Variants in GC observed in about 807,000 individuals in gnomAD.
The protein encoded by GC is vitamin D-binding protein.
GC carries 43 observed loss-of-function variants against 56.7 expected under a neutral mutation model. The ratio of observed to expected loss-of-function variants is 0.76; its 90% CI spans 0.59 to 0.98. The LOEUF (loss-of-function observed/expected upper bound fraction) is 0.98, where lower values mean the gene tolerates loss of function less well. GC is among the 50% of genes least tolerant of loss of function. The pLI is 0.00. For missense variants in GC, 529 were observed against 545.9 expected, an observed-to-expected ratio of 0.97 and a Z score of 0.31; for synonymous variants, 216 against 202.7, an observed-to-expected ratio of 1.07 and a Z score of -0.56.
At chr4:71,764,201 T>G (rs1467910270) in intron 4 of GC, among the ~76,000 whole-genome samples, 1 of 152,102 alleles carries the variant, frequency 6.6e-6, no homozygotes, top group African/African-American at 2.4e-5. Context: ...AGGTTGGTCT[T>G]GAACTCCTGG....
Position 71,758,126 on chromosome 4 carries a change from C to T in GC, c.747G>A (p.Glu249=), listed in dbSNP as rs1171082271. Residue 249 remains glutamate (E), a synonymous_variant, in exon 7 of 13, where the codon GAG becomes GAA. Coordinates refer to ENST00000273951, the MANE Select transcript of GC (RefSeq NM_000583.4). ...LAQKVPTADL[E]DVLPLAEDIT... ...TATCTTCAGCTAGTGGCAAAACATC[C>T]TCCAGATCAGCAGTAGGCACTTTTT... The T allele has an allele frequency of 1.2e-6, 2 of 1,613,430 alleles. No homozygotes were observed. The highest frequency in any genetic ancestry group is 1.7e-5 in the Admixed American group (1 of 59,988).
intron 6 of GC, among the ~76,000 whole-genome samples, chr4:71,762,562 A>G (rs1407287179): frequency 6.6e-6 from 1 of 152,180 alleles, no homozygotes; most frequent in African/African-American, 2.4e-5. Flanking sequence ...GTGGGATGAT[A>G]TGGTTTGGCT....
At chr4:71,803,977 AC>A in exon 1 of GC, 1 of 1,414,712 alleles carries the variant, frequency 7.1e-7, no homozygotes, top group Non-Finnish European at 9.7e-7. Flanking sequence ...CCAGATCATC[AC>A]CAGTGGTAGA....
At chr4:71,771,442 A>G (rs1231480075) in intron 1 of GC, among the ~76,000 whole-genome samples, 2 of 151,994 alleles carry the variant, frequency 1.3e-5, no homozygotes, top group African/African-American at 2.4e-5. Flanking sequence ...TTTTGGATGG[A>G]TACCCCCCCA....
At chr4:71,794,627 T>G (rs1743052725) in intron 1 of GC, among the ~76,000 whole-genome samples, 1 of 152,216 alleles carries the variant, frequency 6.6e-6, no homozygotes, top group South Asian at 2.1e-4. Context: ...CCATTGATTT[T>G]TTGAAGGGTT....
At chr4:71,771,431 T>C (rs1349911168) in intron 1 of GC, among the ~76,000 whole-genome samples, 1 of 152,084 alleles carries the variant, frequency 6.6e-6, no homozygotes, top group Non-Finnish European at 1.5e-5. Flanking sequence ...AGCATGTACT[T>C]TTTTGGATGG....
At chr4:71,770,205 A>G (rs1172577125) in intron 1 of GC, among the ~76,000 whole-genome samples, 1 of 152,122 alleles carries the variant, frequency 6.6e-6, no homozygotes, top group Non-Finnish European at 1.5e-5. Flanking sequence ...TGGCCTGGAG[A>G]ACAAAGCAGA....
chr4:71,799,682 G>A (rs893177828), intron 1 of GC, among the ~76,000 whole-genome samples: 3 of 152,264 alleles, frequency 2.0e-5, no homozygotes, highest in East Asian at 1.9e-4. Flanking sequence ...CCAACGTCTT[G>A]AAGATTTTAC....
chr4:71,802,704 A>G (rs1743280238), intron 1 of GC, among the ~76,000 whole-genome samples: 1 of 152,320 alleles, frequency 6.6e-6, no homozygotes, highest in Admixed American at 6.5e-5. Context: ...TGTGCCATTA[A>G]GTCATTCTTT....
chr4:71,763,756 T>C (rs1180799928), intron 5 of GC, 48 bp downstream of exon 5: 1 of 1,485,826 alleles, frequency 6.7e-7, no homozygotes. Flanking sequence ...AAAGGAATGC[T>C]ATTAGAAGAA....
chr4:71,764,464 G>A (rs545685237), intron 4 of GC, among the ~76,000 whole-genome samples: 1 of 152,236 alleles, frequency 6.6e-6, no homozygotes, highest in Non-Finnish European at 1.5e-5. Context: ...TTGTGTGAGA[G>A]GAGGGGCCAT....
chr4:71,755,541 G>T (rs1262079471), intron 8 of GC, among the ~76,000 whole-genome samples: 1 of 152,100 alleles, frequency 6.6e-6, no homozygotes, highest in Non-Finnish European at 1.5e-5. Context: ...AAGAGATTTA[G>T]CTCAGACTGA....
rs1741190501 is a variant in GC at position 71,741,718 on chromosome 4, T to G, written c.*178A>C. ...TTTATGGTTTGCATTATATTTCAAT[T>G]TATTTTGATAGCAAATCATCATACT... On this transcript the variant is annotated 3_prime_UTR_variant, in exon 13 of 13. Transcript: ENST00000273951. 9.0e-6 allele frequency: 6 copies of G among 668,766 alleles called. No homozygotes were observed. The East Asian group carries it at 1.6e-4, about 18-fold the overall frequency. 41.4% of individuals were successfully genotyped at this position (668,766 alleles called of 1,614,324 possible). A position where few individuals can be genotyped will look rare whatever the true frequency, so the allele number is the denominator to read the frequency against.
At chr4:71,779,270 G>C (rs1422852271) in intron 1 of GC, among the ~76,000 whole-genome samples, 1 of 151,882 alleles carries the variant, frequency 6.6e-6, no homozygotes, top group Non-Finnish European at 1.5e-5. Flanking sequence ...TGAACAACCA[G>C]TGATAAGGTA....
intron 1 of GC, among the ~76,000 whole-genome samples, chr4:71,782,228 T>C (rs985214722): frequency 2.6e-5 from 4 of 151,570 alleles, no homozygotes; most frequent in African/African-American, 9.7e-5. Flanking sequence ...TTCAAACCAA[T>C]CCCCCACAAT....
chr4:71,800,123 G>T (rs1743214909), intron 1 of GC, among the ~76,000 whole-genome samples: 1 of 151,228 alleles, frequency 6.6e-6, no homozygotes, highest in South Asian at 2.1e-4. Context: ...GAACATGCAG[G>T]TTTGTTATAT....
chr4:71,805,233 G>T (rs923047303), upstream of GC, among the ~76,000 whole-genome samples: 1 of 152,150 alleles, frequency 6.6e-6, no homozygotes, highest in Non-Finnish European at 1.5e-5. Flanking sequence ...TATATTTGCT[G>T]TTGAGCTGAT....
intron 11 of GC, among the ~76,000 whole-genome samples, chr4:71,751,965 A>G (rs1741570716): frequency 6.6e-6 from 1 of 152,008 alleles, no homozygotes; most frequent in South Asian, 2.1e-4. Context: ...TTCTTATGTC[A>G]TATTAAAACA....
chr4:71,798,429 A>G (rs1743166367), intron 1 of GC, among the ~76,000 whole-genome samples: 1 of 152,168 alleles, frequency 6.6e-6, no homozygotes, highest in Non-Finnish European at 1.5e-5. Context: ...ATTGTTAAAG[A>G]TATATTACAA....
Sources: gnomAD v4.1 joint callset for allele counts (sites outside exome capture counted in the v4.1 genomes callset) on GRCh38, gnomAD v4.1.1 for gene constraint, MANE v1.5 for transcripts, NCBI Gene and HGNC (gene_info 2026-07-23, HGNC 2026-07-21) for gene names.